KCNIP1: variants seen among roughly 807,000 people sequenced by gnomAD.
KCNIP1 encodes the protein A-type potassium channel modulatory protein KCNIP1.
A neutral mutation model predicts 33.0 loss-of-function variants in KCNIP1; 18 were observed. The ratio of observed to expected loss-of-function variants is 0.55; its 90% CI spans 0.38 to 0.81. The LOEUF (loss-of-function observed/expected upper bound fraction) is 0.81, where lower values mean the gene tolerates loss of function less well. KCNIP1 is among the 30% of genes least tolerant of loss of function. KCNIP1 has a pLI of 0.00. For synonymous variants in KCNIP1, 93 were observed against 98.3 expected, an observed-to-expected ratio of 0.95 and a Z score of 0.32; for missense variants, 238 against 271.6, an observed-to-expected ratio of 0.88 and a Z score of 0.87.
chr5:170,407,445 A>T (rs191059204), intron 1 of KCNIP1, among the ~76,000 whole-genome samples: 116 of 152,324 alleles, frequency 7.6e-4, no homozygotes, highest in African/African-American at 2.0e-3. Context: ...TAACAAAAAA[A>T]TTTTTTTAAA....
intron 1 of KCNIP1, among the ~76,000 whole-genome samples, chr5:170,561,294 T>C (rs1757026928): frequency 6.6e-6 from 1 of 152,216 alleles, no homozygotes; most frequent in Non-Finnish European, 1.5e-5. Context: ...TTGCCAGCCC[T>C]GCTGGGACCA....
At chr5:170,664,745 A>G (rs1761640292) in intron 1 of KCNIP1, among the ~76,000 whole-genome samples, 1 of 152,182 alleles carries the variant, frequency 6.6e-6, no homozygotes, top group Non-Finnish European at 1.5e-5. Context: ...AAGACAAACA[A>G]ACAGTTAAAT....
intron 1 of KCNIP1, among the ~76,000 whole-genome samples, chr5:170,408,775 A>G (rs1025552750): frequency 1.3e-5 from 2 of 152,318 alleles, no homozygotes; most frequent in Admixed American, 6.5e-5. Context: ...TGTCAAAAAA[A>G]CCTTAGCTGA....
chr5:170,354,539 T>G (rs1188674048), intron 1 of KCNIP1, among the ~76,000 whole-genome samples: 1 of 152,236 alleles, frequency 6.6e-6, no homozygotes, highest in Non-Finnish European at 1.5e-5. Flanking sequence ...CTTGGATCCC[T>G]GTCCCTCCAC....
At chr5:170,665,950 T>A (rs1248504560) in intron 1 of KCNIP1, among the ~76,000 whole-genome samples, 2 of 152,198 alleles carry the variant, frequency 1.3e-5, no homozygotes, top group Admixed American at 1.3e-4. Context: ...GACCTATCAC[T>A]GCTGATGGTG....
At chr5:170,719,275 G>A (rs912753524) in intron 2 of KCNIP1, among the ~76,000 whole-genome samples, 3 of 151,750 alleles carry the variant, frequency 2.0e-5, no homozygotes, top group East Asian at 2.0e-4. Flanking sequence ...GCCGAATGTC[G>A]GTGTATTAAT....
At chr5:170,473,037 C>T (rs1382621737) in intron 1 of KCNIP1, among the ~76,000 whole-genome samples, 1 of 152,200 alleles carries the variant, frequency 6.6e-6, no homozygotes, top group Admixed American at 6.5e-5. Context: ...TTCTAGCTGA[C>T]ATTCCAACGA....
chr5:170,487,176 G>A (rs998788151), intron 1 of KCNIP1, among the ~76,000 whole-genome samples: 3 of 152,186 alleles, frequency 2.0e-5, no homozygotes, highest in Admixed American at 2.0e-4. Context: ...AAGAAGCCTA[G>A]GGAAAAGTTG....
At chr5:170,578,020 G>A (rs1055168642) in intron 1 of KCNIP1, among the ~76,000 whole-genome samples, 1 of 152,228 alleles carries the variant, frequency 6.6e-6, no homozygotes, top group Non-Finnish European at 1.5e-5. Flanking sequence ...AGGATAGATT[G>A]CTAGACGTGG....
At chr5:170,587,383 T>C (rs112357045) in intron 1 of KCNIP1, among the ~76,000 whole-genome samples, 12,043 of 137,478 alleles carry the variant, frequency 0.088, 561 homozygotes, top group South Asian at 0.11. Context: ...GATTGTGCCA[T>C]TGCACTCCAG....
intron 1 of KCNIP1, among the ~76,000 whole-genome samples, chr5:170,440,711 A>G (rs1755969090): frequency 6.6e-6 from 1 of 152,224 alleles, no homozygotes. Flanking sequence ...CCACAGATTC[A>G]TGGTGGAAAC....
intron 1 of KCNIP1, among the ~76,000 whole-genome samples, chr5:170,597,817 ATATATATATATATG>A (rs2084288822): frequency 4.1e-5 from 4 of 97,940 alleles, no homozygotes; most frequent in Non-Finnish European, 8.0e-5. Context: ...ATATATATAT[ATATATATATATATG>A]AAAGAAAGAA....
chr5:170,523,949 A>G (rs899443963), intron 1 of KCNIP1, among the ~76,000 whole-genome samples: 1 of 152,098 alleles, frequency 6.6e-6, no homozygotes, highest in Admixed American at 6.5e-5. Context: ...AAGCCAGGTC[A>G]TGTCAGTTCT....
At position 170,583,267 on chromosome 5, in the gene KCNIP1, A is replaced by G. The variant is rs150923004; in HGVS notation, c.61+78634A>G. Among the ~76,000 whole-genome samples the G allele has an allele frequency of 9.2e-5, 14 of 152,276 alleles. No homozygotes were observed. The East Asian group carries it at 2.5e-3, about 27-fold the overall frequency. ...CTCATGACCACTAGCATCTAAGTTT[A>G]TCGCTTCCTCTCTGTTACCTCTGTA... On this transcript the variant is annotated intron_variant, in intron 1 of 7. Transcript: ENST00000328939.
At chr5:170,556,031 G>A (rs1310701356) in intron 1 of KCNIP1, among the ~76,000 whole-genome samples, 2 of 152,204 alleles carry the variant, frequency 1.3e-5, no homozygotes, top group Non-Finnish European at 2.9e-5. Context: ...TTGGCCCACT[G>A]CAACAATGAC....
At chr5:170,501,992 G>C (rs1359345857), upstream of KCNIP1, among the ~76,000 whole-genome samples, 1 of 152,204 alleles carries the variant, frequency 6.6e-6, no homozygotes, top group African/African-American at 2.4e-5. Context: ...TGTGAATCTG[G>C]TGGGACCCCC....
At chr5:170,664,224 T>A (rs1289819459) in intron 1 of KCNIP1, among the ~76,000 whole-genome samples, 8 of 152,292 alleles carry the variant, frequency 5.3e-5, no homozygotes, top group African/African-American at 1.9e-4. Context: ...CTGCACTCTA[T>A]GTCTGAACAG....
chr5:170,477,898 C>T (rs1756893151), intron 1 of KCNIP1, among the ~76,000 whole-genome samples: 1 of 152,178 alleles, frequency 6.6e-6, no homozygotes, highest in African/African-American at 2.4e-5. Flanking sequence ...CCCACATCTT[C>T]ATAGATCTAT....
At chr5:170,584,789 A>G (rs1757926754) in intron 1 of KCNIP1, among the ~76,000 whole-genome samples, 1 of 152,110 alleles carries the variant, frequency 6.6e-6, no homozygotes, top group Non-Finnish European at 1.5e-5. Context: ...ATCAGTGGCA[A>G]TAGAGGAATC....
Sources: allele counts gnomAD v4.1 joint callset (sites outside exome capture counted in the v4.1 genomes callset), GRCh38; gene constraint gnomAD v4.1.1; transcripts MANE v1.5; gene names NCBI Gene and HGNC (gene_info 2026-07-23, HGNC 2026-07-21).